The following GIMAP1 variants were observed in gnomAD, a reference collection of about 807,000 sequenced individuals.
GIMAP1 encodes the protein GTPase IMAP family member 1.
For synonymous variants in GIMAP1, 230 were observed against 187.7 expected (o/e 1.23, Z -1.84); for missense variants, 423 against 411.9 (o/e 1.03, Z -0.23).
At position 150,720,227 on chromosome 7, in the gene GIMAP1, A is replaced by G. The variant is rs1296891688; in HGVS notation, c.223A>G (p.Lys75Glu). 6.2e-7 allele frequency: 1 copy of G among 1,614,052 alleles called. No homozygotes were observed. Among genetic ancestry groups the G allele is most frequent in the Non-Finnish European group, 8.5e-7 (1 of 1,180,038 alleles). ...ACTTGSRRWD[K>E]CHVEVVDTPD... ...CACCACGGGCAGCCGCAGGTGGGAC[A>G]AGTGCCACGTGGAAGTCGTGGACAC... The change falls in exon 3 of 3, where the codon AAG (lysine) becomes GAG (glutamate). Residue 75 changes from lysine to glutamate, a missense_variant. By Grantham distance (56) the Lys-to-Glu change is moderately conservative. Transcript: ENST00000307194. The surrounding 1 kb of genome is among the most constrained non-coding windows in gnomAD (Gnocchi z 4.5).
At chr7:150,719,118 T>C in intron 2 of GIMAP1, 28 bp downstream of exon 2, 1 of 1,614,044 alleles carries the variant, frequency 6.2e-7, no homozygotes, top group African/African-American at 1.3e-5. Context: ...CACCTCATAC[T>C]TGCCCCCCTA....
rs998782286 is a variant in GIMAP1 at position 150,723,700 on chromosome 7, A to T, written c.*2775A>T. On this transcript the variant is annotated 3_prime_UTR_variant, in exon 3 of 3. Transcript: ENST00000307194. ...TTATACTTAAATTACAGCATAAAAC[A>T]GCACTGCCTCCTGTTGGAAAAACTT... 5.3e-5 allele frequency: 8 copies of T among 152,220 alleles called. No homozygotes were observed. Among genetic ancestry groups the T allele is most frequent in the African/African-American group, 1.9e-4 (8 of 41,452 alleles). The allele number at this position is 152,220 out of a possible 1,614,324, so 9.4% of individuals were successfully genotyped here. A position where few individuals can be genotyped will look rare whatever the true frequency, so the allele number is the denominator to read the frequency against.
chr7:150,719,402 T>A lies in GIMAP1; in HGVS notation c.43+312T>A, dbSNP rs548783859. On this transcript the variant is annotated intron_variant, in intron 2 of 2. Transcript: ENST00000307194. ...AGTGAACATGATTTGTGAGGTAGAA[T>A]GTTTAGAGAACAAGGATAGAGGGTT... 13 of 331,466 alleles carry A rather than the reference T, an allele frequency of 3.9e-5. 1 individual carries two copies. Among genetic ancestry groups the A allele is most frequent in the African/African-American group, 2.7e-4 (13 of 47,812 alleles). 20.5% of individuals were successfully genotyped at this position (331,466 alleles called of 1,614,324 possible). A position where few individuals can be genotyped will look rare whatever the true frequency, so the allele number is the denominator to read the frequency against.
Position 150,720,017 on chromosome 7 carries a change from T to A in GIMAP1, c.44-31T>A. 6.6e-7 allele frequency: 1 copy of A among 1,521,194 alleles called. No homozygotes were observed. The highest frequency in any genetic ancestry group is 8.8e-7 in the Non-Finnish European group (1 of 1,133,778). The allele number at this position is 1,521,194 out of a possible 1,614,324, so 94.2% of individuals were successfully genotyped here. ...GTTCCCAAGGGGAAGTTGGTTAAAC[T>A]TAAGTAAGATTATAACACTTGGTCT... On this transcript the variant is annotated intron_variant, in intron 2 of 2. Transcript: ENST00000307194. This position sits in a 1 kb window ranked among gnomAD's most constrained non-coding sequence, Gnocchi z 4.5.
Position 150,722,038 on chromosome 7 carries a change from G to T in GIMAP1, c.*1113G>T, listed in dbSNP as rs1797313586. 6.6e-6 allele frequency: 1 copy of T among 152,178 alleles called. No homozygotes were observed. Among genetic ancestry groups the T allele is most frequent in the Non-Finnish European group, 1.5e-5 (1 of 68,052 alleles). The allele number at this position is 152,178 out of a possible 1,614,324, so 9.4% of individuals were successfully genotyped here. On this transcript the variant is annotated 3_prime_UTR_variant, in exon 3 of 3. Transcript: ENST00000307194. ...GAGGCGAAAGCATCCGGTTTTTTCG[G>T]GATGGGCCTGTCCAGGAAGGTTCTC...
intron 2 of GIMAP1, 67 bp downstream of exon 2, chr7:150,719,157 G>A (rs1797257613): frequency 6.2e-7 from 1 of 1,603,700 alleles, no homozygotes; most frequent in African/African-American, 1.3e-5. Context: ...TAAGGAGAAT[G>A]GGGCTTCCTC....
In GIMAP1 at chr7:150,720,340, C is replaced by T. The variant is rs201990460; in HGVS notation, c.336C>T (p.Pro112=). 3.1e-6 allele frequency: 5 copies of T among 1,612,932 alleles called. No homozygotes were observed. The East Asian group carries it at 6.7e-5, about 22-fold the overall frequency. ...GCTACCTGCTCTCGGCCCCCGGACC[C>T]CACGCGCTGCTCCTGGTGACCCAGT... The part of the protein sequence containing the change: ...GHCYLLSAPG[P]HALLLVTQLG... Residue 112 remains proline, a synonymous_variant, in exon 3 of 3, where the codon CCC becomes CCT. Transcript: ENST00000307194. The surrounding 1 kb of genome is among the most constrained non-coding windows in gnomAD (Gnocchi z 4.5).
rs1797338780 is a variant in GIMAP1, at chr7:150,723,614, C to G, written c.*2689C>G. 6.6e-6 allele frequency: 1 copy of G among 152,230 alleles called. No individual in the cohort carries two copies. The highest frequency in any genetic ancestry group is 2.4e-5 in the African/African-American group (1 of 41,514). 9.4% of individuals were successfully genotyped at this position (152,230 alleles called of 1,614,324 possible). ...AAAGGTTGCTTTTTCCCCCATAGCT[C>G]AAGGTTAGGCCTTGTGACCTCACTT... On this transcript the variant is annotated 3_prime_UTR_variant, in exon 3 of 3. Coordinates refer to ENST00000307194, the MANE Select transcript of GIMAP1 (RefSeq NM_130759.4).
rs1797302003 is a variant in GIMAP1, at chr7:150,721,480, C to T, written c.*555C>T. 2 of 152,076 alleles carry T rather than the reference C, an allele frequency of 1.3e-5. No individual in the cohort carries two copies. Among genetic ancestry groups the T allele is most frequent in the Admixed American group, 1.3e-4 (2 of 15,272 alleles). 9.4% of individuals were successfully genotyped at this position (152,076 alleles called of 1,614,324 possible). A position where few individuals can be genotyped will look rare whatever the true frequency, so the allele number is the denominator to read the frequency against. On this transcript the variant is annotated 3_prime_UTR_variant, in exon 3 of 3. Transcript: ENST00000307194. ...TTACAAAGTGGAAAATAACAGTTTC[C>T]ACTTTTCTAGAACATATTATGGTTC...
At position 150,720,284 on chromosome 7, in the gene GIMAP1, A is replaced by G; in HGVS notation, c.280A>G (p.Thr94Ala). The change falls in exon 3 of 3, where the codon ACA (threonine) becomes GCA (alanine). Residue 94 changes from threonine (T) to alanine (A), a missense_variant. By Grantham distance (58) the Thr-to-Ala change is moderately conservative. Coordinates refer to ENST00000307194, the MANE Select transcript of GIMAP1 (RefSeq NM_130759.4). The surrounding 1 kb of genome is among the most constrained non-coding windows in gnomAD (Gnocchi z 4.5). ...CATTTTCAGCTCCCAAGTGTCCAAG[A>G]CAGATCCTGGCTGTGAGGAGAGAGG... ...PDIFSSQVSK[T>A]DPGCEERGHC... The G allele has an allele frequency of 6.2e-7, 1 of 1,614,192 alleles. No homozygotes were observed. The highest frequency in any genetic ancestry group is 8.5e-7 in the Non-Finnish European group (1 of 1,180,026).
rs1259031811 is a variant in GIMAP1 at position 150,723,611 on chromosome 7, G to A, written c.*2686G>A. 2 of 152,052 alleles carry A rather than the reference G, an allele frequency of 1.3e-5. No individual in the cohort carries two copies. 9.4% of individuals were successfully genotyped at this position (152,052 alleles called of 1,614,324 possible). On this transcript the variant is annotated 3_prime_UTR_variant, in exon 3 of 3. Transcript: ENST00000307194. ...CTTAAAGGTTGCTTTTTCCCCCATAGCTCAAGGTTAGGCCTTGTGACCTCA... is the reference window on the plus strand; with the variant it reads ...CTTAAAGGTTGCTTTTTCCCCCATAACTCAAGGTTAGGCCTTGTGACCTCA...
chr7:150,717,068 A>C (rs1797227261), intron 1 of GIMAP1, among the ~76,000 whole-genome samples: 1 of 152,238 alleles, frequency 6.6e-6, no homozygotes. Context: ...CTATGGCCCC[A>C]TAAGCCATCT....
chr7:150,717,105 A>G (rs977371384), intron 1 of GIMAP1, among the ~76,000 whole-genome samples: 2 of 152,172 alleles, frequency 1.3e-5, no homozygotes, highest in Non-Finnish European at 2.9e-5. Context: ...ACGACGTGAC[A>G]AGACTGGGTA....
rs759883669 is a variant in GIMAP1 at position 150,720,091 on chromosome 7, G to A, written c.87G>A (p.Arg29=). 2.5e-6 allele frequency: 4 copies of A among 1,613,340 alleles called. No homozygotes were observed. In the East Asian group the frequency reaches 6.7e-5, roughly 27 times the overall value. ...NAQSRQESTR[R]LILVGRTGAG... ...AGTCCCGGCAGGAGTCCACGCGGAG[G>A]CTCATCCTTGTTGGGAGAACAGGGG... The change falls in exon 3 of 3, where the codon AGG becomes AGA. Residue 29 remains arginine, a synonymous_variant. Coordinates refer to ENST00000307194, the MANE Select transcript of GIMAP1 (RefSeq NM_130759.4). This position sits in a 1 kb window ranked among gnomAD's most constrained non-coding sequence, Gnocchi z 4.5.
At position 150,720,514 on chromosome 7, in the gene GIMAP1, G is replaced by A. The variant is rs1797282796; in HGVS notation, c.510G>A (p.Glu170=). 1.2e-6 allele frequency: 2 copies of A among 1,600,230 alleles called. No homozygotes were observed. Among genetic ancestry groups the A allele is most frequent in the African/African-American group, 1.3e-5 (1 of 74,898 alleles). Residue 170 remains glutamate (E), a synonymous_variant, in exon 3 of 3, where the codon GAG becomes GAA. Transcript: ENST00000307194. This position sits in a 1 kb window ranked among gnomAD's most constrained non-coding sequence, Gnocchi z 4.5. The stretch of plus-strand genomic sequence containing the variant: ...TGCACGATTACGTGAGCAACACAGA[G>A]AACCGGGCCTTGCGCGAGCTGGTGG... ...GSLHDYVSNT[E]NRALRELVAE...
rs933862757 is a variant in GIMAP1, at chr7:150,716,646, G to A, written c.-51G>A. Reference sequence around the variant, plus strand: ...CTCACAGCCGAAGGGAAAGCAGCAGGTTGGGGCTTCTTGTGGCCAACTTCA... The same window carrying A: ...CTCACAGCCGAAGGGAAAGCAGCAGATTGGGGCTTCTTGTGGCCAACTTCA... On this transcript the variant is annotated 5_prime_UTR_variant, in exon 1 of 3. Coordinates refer to ENST00000307194, the MANE Select transcript of GIMAP1 (RefSeq NM_130759.4). 13 of 152,320 alleles carry A rather than the reference G, an allele frequency of 8.5e-5. No homozygotes were observed. The highest frequency in any genetic ancestry group is 2.9e-4 in the African/African-American group (12 of 41,568). 9.4% of individuals were successfully genotyped at this position (152,320 alleles called of 1,614,324 possible). A position where few individuals can be genotyped will look rare whatever the true frequency, so the allele number is the denominator to read the frequency against.
At chr7:150,719,905 C>A in intron 2 of GIMAP1, 143 bp from the exon 3 acceptor site, 1 of 1,174,466 alleles carries the variant, frequency 8.5e-7, no homozygotes, top group Non-Finnish European at 1.2e-6. Context: ...GCAGACAACC[C>A]AAATACAAAA....
intron 2 of GIMAP1, chr7:150,719,451 G>A (rs1797264092): frequency 9.9e-6 from 2 of 202,738 alleles, no homozygotes; most frequent in African/African-American, 4.6e-5. Context: ...TTTTTAGGCA[G>A]CCAGTTTAAG....
Position 150,717,869 on chromosome 7 carries a change from G to A in GIMAP1, c.-6-1173G>A, listed in dbSNP as rs1041593826. ...TAGAGTTCCTGCAGAAACAGAAACA[G>A]CTCTAGATTTAATATGAGGCAAATC... On this transcript the variant is annotated intron_variant, in intron 1 of 2. Transcript: ENST00000307194. 3.3e-5 allele frequency among the ~76,000 whole-genome samples: 5 copies of A among 152,180 alleles called. No homozygotes were observed. The East Asian group carries it at 5.8e-4, about 18-fold the overall frequency.
Sources: allele counts gnomAD v4.1 joint callset (sites outside exome capture counted in the v4.1 genomes callset), GRCh38; gene constraint gnomAD v4.1.1; non-coding constraint Gnocchi (gnomAD v3.1); transcripts MANE v1.5; gene names NCBI Gene and HGNC (gene_info 2026-07-23, HGNC 2026-07-21).